The following PREX2 variants were observed in gnomAD, a reference collection of about 807,000 sequenced individuals.
The protein encoded by PREX2 is phosphatidylinositol 3,4,5-trisphosphate-dependent Rac exchanger 2 protein.
A neutral mutation model predicts 203.2 loss-of-function variants in PREX2; 107 were observed. The observed-to-expected ratio is 0.53, with a 90% CI of 0.45 to 0.62. PREX2 has a LOEUF of 0.62. Ranked by LOEUF, PREX2 falls within the 20% of genes least tolerant of loss-of-function variation. The pLI, the probability that PREX2 is intolerant of heterozygous loss-of-function variation, is 0.00. For synonymous variants in PREX2, 672 were observed against 663.6 expected (o/e 1.01, Z -0.19); for missense variants, 1,777 against 1,955.9 (o/e 0.91, Z 1.72).
At chr8:68,092,039 G>T (rs751614890) in intron 20 of PREX2, among the ~76,000 whole-genome samples, 2 of 152,020 alleles carry the variant, frequency 1.3e-5, no homozygotes, top group Non-Finnish European at 2.9e-5. Flanking sequence ...ATTCTGCTGG[G>T]ACCCGACTTT....
chr8:68,021,988 G>T, intron 3 of PREX2, 48 bp from the exon 4 acceptor site: 1 of 909,076 alleles, frequency 1.1e-6, no homozygotes, highest in Admixed American at 1.7e-5. Flanking sequence ...GGTTAAAATT[G>T]CAGAATGGTG....
At chr8:68,091,420 G>A (rs369900491) in intron 20 of PREX2, among the ~76,000 whole-genome samples, 1 of 152,180 alleles carries the variant, frequency 6.6e-6, no homozygotes, top group Non-Finnish European at 1.5e-5. Context: ...GCTAGATGCA[G>A]GCAGAACTTT....
At chr8:67,991,429 TCA>T (rs1487134531) in intron 1 of PREX2, among the ~76,000 whole-genome samples, 5 of 152,136 alleles carry the variant, frequency 3.3e-5, no homozygotes, top group Non-Finnish European at 5.9e-5. Context: ...TTTAATTGAC[TCA>T]CAGTTCAGCA....
At position 68,072,471 on chromosome 8, in the gene PREX2, T is replaced by G. The variant is rs373811889; in HGVS notation, c.1494-24T>G. On this transcript the variant is annotated intron_variant, in intron 13 of 39. Transcript: ENST00000288368. The stretch of plus-strand genomic sequence containing the variant: ...TGCTTAATTTTTGTTTTTTGTTTGT[T>G]TGTTTTTATTTTTTCCTTTATAGAG... 2.9e-6 allele frequency: 4 copies of G among 1,390,238 alleles called. No homozygotes were observed. In the African/African-American group the frequency reaches 5.8e-5, roughly 20 times the overall value. 86.1% of individuals were successfully genotyped at this position (1,390,238 alleles called of 1,614,324 possible).
At chr8:68,137,700 C>T (rs1811140129) in intron 32 of PREX2, among the ~76,000 whole-genome samples, 1 of 152,078 alleles carries the variant, frequency 6.6e-6, no homozygotes, top group South Asian at 2.1e-4. Context: ...ATAGGAAGGC[C>T]AGAAGCTAGT....
intron 37 of PREX2, among the ~76,000 whole-genome samples, chr8:68,198,591 A>T (rs1174440795): frequency 6.6e-6 from 1 of 152,200 alleles, no homozygotes; most frequent in Non-Finnish European, 1.5e-5. Flanking sequence ...AACCAATATA[A>T]ATCAGTATAC....
At chr8:68,132,404 A>G (rs186871110) in intron 31 of PREX2, among the ~76,000 whole-genome samples, 9 of 152,118 alleles carry the variant, frequency 5.9e-5, no homozygotes, top group Admixed American at 5.9e-4. Flanking sequence ...TGGAATGGCC[A>G]CATTCCACCA....
In PREX2 at chr8:68,109,573, A is replaced by T; in HGVS notation, c.3096A>T (p.Lys1032Asn). 3 of 1,614,018 alleles carry T rather than the reference A, an allele frequency of 1.9e-6. No homozygotes were observed. Among genetic ancestry groups the T allele is most frequent in the Non-Finnish European group, 2.5e-6 (3 of 1,179,892 alleles). The change falls in exon 25 of 40, where the codon AAA becomes AAT. Residue 1032 changes from lysine to asparagine, a missense_variant. By Grantham distance (94) the Lys-to-Asn change is moderately conservative. Transcript: ENST00000288368. The part of the protein sequence containing the change: ...TQDIYQKLLG[K>N]LQTALKEVEM... ...ACATCTATCAGAAACTGCTGGGCAAACTTCAGACTGCACTGAAAGAGGTGG... is the reference window on the plus strand; with the variant it reads ...ACATCTATCAGAAACTGCTGGGCAATCTTCAGACTGCACTGAAAGAGGTGG...
At chr8:67,999,351 A>G (rs1806865453) in intron 1 of PREX2, among the ~76,000 whole-genome samples, 1 of 152,042 alleles carries the variant, frequency 6.6e-6, no homozygotes, top group Non-Finnish European at 1.5e-5. Context: ...GAACTAGAAA[A>G]ACTAGAAGAG....
chr8:68,116,038 G>A, intron 26 of PREX2, 106 bp downstream of exon 26: 1 of 945,308 alleles, frequency 1.1e-6, no homozygotes, highest in South Asian at 1.8e-5. Flanking sequence ...TCTTTTAATT[G>A]GTCTTTCACA....
At chr8:68,228,202 C>T (rs975119940) in intron 39 of PREX2, among the ~76,000 whole-genome samples, 1 of 152,160 alleles carries the variant, frequency 6.6e-6, no homozygotes, top group Non-Finnish European at 1.5e-5. Context: ...GATTGCACAT[C>T]CAGCACACTG....
At chr8:67,979,102 G>A (rs1806194332) in intron 1 of PREX2, among the ~76,000 whole-genome samples, 2 of 152,126 alleles carry the variant, frequency 1.3e-5, no homozygotes, top group Admixed American at 6.5e-5. Flanking sequence ...AAATCACTTT[G>A]TTTCTTACAG....
chr8:68,154,683 G>A (rs1018498707), intron 34 of PREX2, among the ~76,000 whole-genome samples: 2 of 152,174 alleles, frequency 1.3e-5, no homozygotes, highest in Non-Finnish European at 2.9e-5. Flanking sequence ...TCTAATTAAC[G>A]AAGATGTAGG....
intron 17 of PREX2, 25 bp from the exon 18 acceptor site, chr8:68,083,214 CT>C: frequency 6.5e-7 from 1 of 1,537,502 alleles, no homozygotes; most frequent in Non-Finnish European, 8.8e-7. Context: ...TATACTTTGA[CT>C]TATTTTTTGT....
Position 68,064,518 on chromosome 8 carries a change from G to A in PREX2, c.1339+3739G>A, listed in dbSNP as rs200332847. Among the ~76,000 whole-genome samples, 6 of 135,670 alleles carry A rather than the reference G, an allele frequency of 4.4e-5. No homozygotes were observed. In the East Asian group the frequency reaches 6.7e-4, roughly 15 times the overall value. The allele number at this position is 135,670 out of a possible 152,430, so 89.0% of individuals were successfully genotyped here. On this transcript the variant is annotated intron_variant, in intron 11 of 39. Coordinates refer to ENST00000288368, the MANE Select transcript of PREX2 (RefSeq NM_024870.4). The stretch of plus-strand genomic sequence containing the variant: ...TGAGTAGTTGGGACCACAGGTGCAC[G>A]CCACCATACCCAGCTAATTTGTTTT...
At chr8:68,164,210 G>A (rs561898563) in intron 35 of PREX2, among the ~76,000 whole-genome samples, 1 of 152,168 alleles carries the variant, frequency 6.6e-6, no homozygotes, top group South Asian at 2.1e-4. Context: ...AAGAATAGAA[G>A]TAAACAATAG....
At chr8:68,174,887 C>T (rs187984212) in intron 35 of PREX2, among the ~76,000 whole-genome samples, 92 of 152,342 alleles carry the variant, frequency 6.0e-4, no homozygotes, top group African/African-American at 2.0e-3. Context: ...GTCTTCCTAG[C>T]TCCTTCCATT....
intron 37 of PREX2, among the ~76,000 whole-genome samples, chr8:68,207,791 C>T (rs1812665166): frequency 6.6e-6 from 1 of 151,960 alleles, no homozygotes; most frequent in African/African-American, 2.4e-5. Context: ...AGCCAGGGTC[C>T]AACTCAGGAA....
At chr8:68,058,294 A>G (rs1808738019) in intron 10 of PREX2, among the ~76,000 whole-genome samples, 1 of 152,182 alleles carries the variant, frequency 6.6e-6, no homozygotes, top group African/African-American at 2.4e-5. Context: ...CAGACTAGAG[A>G]ATTATGTCTT....
Sources: allele counts gnomAD v4.1 joint callset (sites outside exome capture counted in the v4.1 genomes callset), GRCh38; gene constraint gnomAD v4.1.1; transcripts MANE v1.5; gene names NCBI Gene and HGNC (gene_info 2026-07-23, HGNC 2026-07-21).